Variants in YAE1 observed in about 807,000 individuals in gnomAD.
The protein encoded by YAE1 is protein YAE1 homolog.
A neutral mutation model predicts 23.0 loss-of-function variants in YAE1; 22 were observed. The observed-to-expected ratio is 0.96, with a 90% CI of 0.68 to 1.37. YAE1 has a LOEUF of 1.37. Ranked by LOEUF, YAE1 falls within the 40% of genes most tolerant of loss-of-function variation. YAE1 has a pLI of 0.00. For missense variants in YAE1, 260 were observed against 262.1 expected (o/e 0.99, Z 0.06); for synonymous variants, 101 against 97.0 (o/e 1.04, Z -0.24).
At chr7:39,607,531 C>A (rs1044872725) in intron 2 of YAE1, among the ~76,000 whole-genome samples, 2 of 152,148 alleles carry the variant, frequency 1.3e-5, no homozygotes, top group African/African-American at 2.4e-5. Context: ...CTGATCTGAG[C>A]CCAGTAAGAT....
At chr7:39,583,811 C>T (rs1301386401) in intron 2 of YAE1, among the ~76,000 whole-genome samples, 2 of 152,196 alleles carry the variant, frequency 1.3e-5, no homozygotes, top group Non-Finnish European at 2.9e-5. Context: ...ACAGCTTCAT[C>T]GTTTACAGGT....
chr7:39,582,047 CCTCCCAAGTAG>C (rs1177493915), intron 2 of YAE1, among the ~76,000 whole-genome samples: 1 of 152,018 alleles, frequency 6.6e-6, no homozygotes, highest in Non-Finnish European at 1.5e-5. Context: ...CCTGCCTCAG[CCTCCCAAGTAG>C]CTGGGACTAC....
intron 2 of YAE1, among the ~76,000 whole-genome samples, chr7:39,597,502 C>T (rs570779680): frequency 2.6e-5 from 4 of 152,154 alleles, no homozygotes; most frequent in Non-Finnish European, 5.9e-5. Context: ...TCTGATAATT[C>T]GCTGGTCTCA....
chr7:39,595,453 G>C (rs1562595331), intron 2 of YAE1, among the ~76,000 whole-genome samples: 1 of 152,068 alleles, frequency 6.6e-6, no homozygotes, highest in Non-Finnish European at 1.5e-5. Context: ...ACTGCAGAGA[G>C]ACCCAAACAG....
chr7:39,567,505 T>G (rs1391431277), intron 1 of YAE1, among the ~76,000 whole-genome samples: 1 of 152,114 alleles, frequency 6.6e-6, no homozygotes, highest in African/African-American at 2.4e-5. Flanking sequence ...CTTTGCCCTG[T>G]CTCCTCACCC....
intron 2 of YAE1, among the ~76,000 whole-genome samples, chr7:39,586,463 C>T (rs1790815053): frequency 6.7e-6 from 1 of 150,294 alleles, no homozygotes; most frequent in African/African-American, 2.5e-5. Context: ...TGAGCCACCG[C>T]GCCCGGCCAG....
intron 2 of YAE1, among the ~76,000 whole-genome samples, chr7:39,604,535 A>AAT (rs1419705328): frequency 1.3e-5 from 2 of 152,324 alleles, no homozygotes; most frequent in African/African-American, 2.4e-5. Context: ...TGATTGTGTT[A>AAT]ATATATATAT....
downstream of YAE1, among the ~76,000 whole-genome samples, chr7:39,576,586 C>T (rs932283662): frequency 3.9e-5 from 6 of 152,140 alleles, no homozygotes; most frequent in South Asian, 6.2e-4. Context: ...CTTTATTCCA[C>T]GTCCTTTCCC....
intron 1 of YAE1, among the ~76,000 whole-genome samples, chr7:39,568,065 C>A (rs187033545): frequency 1.3e-5 from 2 of 151,920 alleles, no homozygotes; most frequent in African/African-American, 4.8e-5. Flanking sequence ...TGGCGAAACC[C>A]CATCTCTACT....
downstream of YAE1, among the ~76,000 whole-genome samples, chr7:39,575,962 A>G (rs368031559): frequency 1.3e-5 from 2 of 151,978 alleles, no homozygotes; most frequent in African/African-American, 4.8e-5. Flanking sequence ...GCTCATTACT[A>G]TTCCCTATCA....
rs202185679 is a variant in YAE1, at chr7:39,593,713, CG to C, written c.252-15903del. On this transcript the variant is annotated intron_variant, in intron 2 of 2. Transcript: ENST00000432096. The stretch of plus-strand genomic sequence containing the variant: ...GCTTAAGCAATCTGCCCACCCCAGC[CG>C]CCCAAAATACTGGAAATTACAGGCA... Among the ~76,000 whole-genome samples, 1,468 of 152,292 alleles carry C rather than the reference CG, an allele frequency of 9.6e-3. 41 individuals are homozygous for C. The highest frequency in any genetic ancestry group is 0.061 in the Admixed American group (926 of 15,300).
chr7:39,573,563 C>A (rs1790607887), downstream of YAE1, among the ~76,000 whole-genome samples: 1 of 152,070 alleles, frequency 6.6e-6, no homozygotes, highest in Admixed American at 6.6e-5. Flanking sequence ...CACTTTTATT[C>A]ACCTGAAACA....
chr7:39,591,255 T>TG (rs909055261), intron 2 of YAE1, among the ~76,000 whole-genome samples: 2 of 152,102 alleles, frequency 1.3e-5, no homozygotes, highest in Admixed American at 6.6e-5. Flanking sequence ...AATTTATTGG[T>TG]GGGGGGGACA....
chr7:39,602,223 A>G (rs1386653373), intron 2 of YAE1, among the ~76,000 whole-genome samples: 1 of 152,234 alleles, frequency 6.6e-6, no homozygotes, highest in African/African-American at 2.4e-5. Flanking sequence ...TATTAAATTC[A>G]GCACTAATTC....
intron 2 of YAE1, among the ~76,000 whole-genome samples, chr7:39,605,628 G>A (rs1266137044): frequency 1.3e-5 from 2 of 152,076 alleles, no homozygotes; most frequent in African/African-American, 2.4e-5. Flanking sequence ...AGGCTCTCAG[G>A]CTCAGACAAA....
chr7:39,579,790 C>T (rs911128477), intron 2 of YAE1, among the ~76,000 whole-genome samples: 3 of 152,080 alleles, frequency 2.0e-5, no homozygotes, highest in Non-Finnish European at 2.9e-5. Context: ...CACCTACAAT[C>T]GCAGCACTTT....
At chr7:39,569,244 TAG>T (rs1304713858) in intron 1 of YAE1, 1 of 210,656 alleles carries the variant, frequency 4.7e-6, no homozygotes, top group Non-Finnish European at 9.5e-6. Flanking sequence ...GTTCTGAATG[TAG>T]AGTCTTCAAT....
At chr7:39,604,202 A>G (rs1791095877) in intron 2 of YAE1, among the ~76,000 whole-genome samples, 1 of 152,208 alleles carries the variant, frequency 6.6e-6, no homozygotes, top group Non-Finnish European at 1.5e-5. Context: ...GAACATCCAG[A>G]GGAAGGAAAG....
downstream of YAE1, among the ~76,000 whole-genome samples, chr7:39,577,792 G>T (rs961848923): frequency 2.0e-5 from 3 of 152,264 alleles, no homozygotes; most frequent in African/African-American, 7.2e-5. Flanking sequence ...CGGGTGCACG[G>T]TGCGGGACTG....
Sources: gnomAD v4.1 joint callset for allele counts (sites outside exome capture counted in the v4.1 genomes callset) on GRCh38, gnomAD v4.1.1 for gene constraint, MANE v1.5 for transcripts, NCBI Gene and HGNC (gene_info 2026-07-23, HGNC 2026-07-21) for gene names.